Variants in EYA1 observed in about 807,000 individuals in gnomAD.
EYA1 encodes protein phosphatase EYA1.
In EYA1, 16 loss-of-function variants were observed where a neutral mutation model predicts 82.0. That is an observed-to-expected ratio of 0.20 (90% CI 0.13 to 0.30). The LOEUF is 0.30. Among genes scored for constraint, EYA1 ranks in the 10% least tolerant of loss-of-function variants. The pLI is 1.00. For synonymous variants in EYA1, 261 were observed against 264.4 expected (o/e 0.99, Z 0.12); for missense variants, 633 against 730.7 (o/e 0.87, Z 1.54).
chr8:71,378,153 C>G (rs912086689), intron 2 of EYA1, among the ~76,000 whole-genome samples: 1 of 152,120 alleles, frequency 6.6e-6, no homozygotes. Flanking sequence ...GAACTATACC[C>G]TGATGTATTT....
chr8:71,503,772 A>C (rs1290334381), intron 2 of EYA1, among the ~76,000 whole-genome samples: 2 of 152,326 alleles, frequency 1.3e-5, no homozygotes, highest in East Asian at 3.9e-4. Context: ...TCACTTAAAA[A>C]ATAGGTAAAC....
chr8:71,544,337 G>C (rs1815381420), intron 1 of EYA1, among the ~76,000 whole-genome samples: 1 of 152,210 alleles, frequency 6.6e-6, no homozygotes, highest in South Asian at 2.1e-4. Context: ...GGAATCATCC[G>C]AAACATCCTT....
chr8:71,470,789 A>G (rs1486906924), intron 2 of EYA1: 1 of 441,610 alleles, frequency 2.3e-6, no homozygotes, highest in African/African-American at 2.0e-5. Flanking sequence ...TGTGGCTAAA[A>G]GATGTATGTA....
chr8:71,486,312 G>A (rs1810566574), intron 2 of EYA1, among the ~76,000 whole-genome samples: 1 of 152,064 alleles, frequency 6.6e-6, no homozygotes, highest in Non-Finnish European at 1.5e-5. Flanking sequence ...AACAATCCTG[G>A]GAGGCACACA....
chr8:71,389,170 GAAAAAA>G (rs1179377778), intron 2 of EYA1, among the ~76,000 whole-genome samples: 1 of 151,440 alleles, frequency 6.6e-6, no homozygotes, highest in Non-Finnish European at 1.5e-5. Flanking sequence ...TTTTAATGGG[GAAAAAA>G]AATTCTGGCA....
At chr8:71,377,059 G>A (rs986239809) in intron 2 of EYA1, among the ~76,000 whole-genome samples, 1 of 152,010 alleles carries the variant, frequency 6.6e-6, no homozygotes, top group African/African-American at 2.4e-5. Context: ...TCTTATTATG[G>A]TAGATTGTTA....
At chr8:71,494,022 CAA>C (rs34340467) in intron 2 of EYA1, among the ~76,000 whole-genome samples, 5,187 of 41,508 alleles carry the variant, frequency 0.12, 193 homozygotes, top group African/African-American at 0.33. Flanking sequence ...GACTCCGTCT[CAA>C]AAAAAAAAAA....
intron 1 of EYA1, among the ~76,000 whole-genome samples, chr8:71,361,317 G>C (rs1827353678): frequency 6.6e-6 from 1 of 151,966 alleles, no homozygotes; most frequent in African/African-American, 2.4e-5. Context: ...ATTCAGAAAA[G>C]AGATATGAAG....
intron 2 of EYA1, among the ~76,000 whole-genome samples, chr8:71,491,433 A>T (rs550662239): frequency 6.6e-6 from 1 of 152,164 alleles, no homozygotes. Flanking sequence ...CCCAGAATTC[A>T]TATGCTGAAG....
chr8:71,419,148 G>C (rs2129147576), intron 2 of EYA1, among the ~76,000 whole-genome samples: 1 of 152,212 alleles, frequency 6.6e-6, no homozygotes, highest in East Asian at 1.9e-4. Context: ...CAGAGGCATG[G>C]CATAATGATT....
At chr8:71,516,120 GAC>G (rs1430564663) in intron 2 of EYA1, among the ~76,000 whole-genome samples, 1 of 152,086 alleles carries the variant, frequency 6.6e-6, no homozygotes, top group Non-Finnish European at 1.5e-5. Context: ...TAGTCACAAA[GAC>G]AGTTTTTTGG....
At chr8:71,525,517 A>C (rs1428801944) in intron 2 of EYA1, among the ~76,000 whole-genome samples, 4 of 152,174 alleles carry the variant, frequency 2.6e-5, no homozygotes, top group African/African-American at 4.8e-5. Context: ...GTGATTGTTA[A>C]CATATTTTGC....
At chr8:71,456,211 G>T (rs972044655) in intron 2 of EYA1, among the ~76,000 whole-genome samples, 1 of 152,152 alleles carries the variant, frequency 6.6e-6, no homozygotes, top group Non-Finnish European at 1.5e-5. Flanking sequence ...GGATGTGAAG[G>T]ACCTCTTCAA....
chr8:71,347,885 C>CAAAAAA (rs5892271), intron 3 of EYA1, among the ~76,000 whole-genome samples: 4 of 80,838 alleles, frequency 4.9e-5, no homozygotes, highest in Non-Finnish European at 7.1e-5. Flanking sequence ...TGGAGGCATG[C>CAAAAAA]AAAAAAAAAA....
intron 3 of EYA1, among the ~76,000 whole-genome samples, chr8:71,336,140 A>G (rs1327887752): frequency 6.6e-6 from 1 of 152,212 alleles, no homozygotes; most frequent in African/African-American, 2.4e-5. Context: ...AGTAAGGGGC[A>G]GAAATAAGAT....
intron 9 of EYA1, among the ~76,000 whole-genome samples, chr8:71,277,441 T>A (rs532258935): frequency 6.6e-6 from 1 of 152,218 alleles, no homozygotes; most frequent in South Asian, 2.1e-4. Flanking sequence ...CATGAGCCAA[T>A]GCACCTGGCC....
chr8:71,211,151 C>T lies in EYA1; in HGVS notation c.1698+5G>A. 3 of 1,583,492 alleles carry T rather than the reference C, an allele frequency of 1.9e-6. No homozygotes were observed. The highest frequency in any genetic ancestry group is 2.6e-6 in the Non-Finnish European group (3 of 1,152,300). On this transcript the variant is annotated splice_donor_5th_base_variant and intron_variant, in intron 17 of 17. Coordinates refer to ENST00000340726, the MANE Select transcript of EYA1 (RefSeq NM_000503.6). ...AGACAAGATGCACCATCTAGGAATG[C>T]TCACCTTTTTTGCTCCTTGTTCTTC...
At chr8:71,348,707 T>G (rs1191665036) in intron 3 of EYA1, among the ~76,000 whole-genome samples, 1 of 152,140 alleles carries the variant, frequency 6.6e-6, no homozygotes, top group Non-Finnish European at 1.5e-5. Context: ...ACTTTACCTC[T>G]TTTACTCCCA....
chr8:71,298,258 G>T (rs1449386544), intron 9 of EYA1, among the ~76,000 whole-genome samples: 1 of 152,130 alleles, frequency 6.6e-6, no homozygotes, highest in Non-Finnish European at 1.5e-5. Flanking sequence ...CTGGAAACAG[G>T]CAAGAGGAAG....
Sources: allele counts gnomAD v4.1 joint callset (sites outside exome capture counted in the v4.1 genomes callset), GRCh38; gene constraint gnomAD v4.1.1; transcripts MANE v1.5; gene names NCBI Gene and HGNC (gene_info 2026-07-23, HGNC 2026-07-21).